ZFYVE9: variants seen among roughly 807,000 people sequenced by gnomAD.
The protein encoded by ZFYVE9 is zinc finger FYVE-type containing 9, also known as zinc finger FYVE domain-containing protein 9.
In ZFYVE9, 43 loss-of-function variants were observed where a neutral mutation model predicts 126.7. The ratio of observed to expected loss-of-function variants is 0.34; its 90% CI spans 0.27 to 0.44. ZFYVE9 has a LOEUF of 0.44. Ranked by LOEUF, ZFYVE9 falls within the 20% of genes least tolerant of loss-of-function variation. The pLI, the probability that ZFYVE9 is intolerant of heterozygous loss-of-function variation, is 1.00. For synonymous variants in ZFYVE9, 521 were observed against 597.4 expected (o/e 0.87, Z 1.87); for missense variants, 1,476 against 1,697.0 (o/e 0.87, Z 2.29).
intron 1 of ZFYVE9, among the ~76,000 whole-genome samples, chr1:52,189,417 A>G (rs778068805): frequency 2.6e-5 from 4 of 152,026 alleles, no homozygotes; most frequent in East Asian, 1.9e-4. Flanking sequence ...TTGTATTTTT[A>G]GTAGAGATGG....
Position 52,172,619 on chromosome 1 carries a change from G to C in ZFYVE9, c.-143+30216G>C, listed in dbSNP as rs1339986444. On this transcript the variant is annotated intron_variant, in intron 1 of 18. Coordinates refer to ENST00000287727, the MANE Select transcript of ZFYVE9 (RefSeq NM_004799.4). The stretch of plus-strand genomic sequence containing the variant: ...TATGGCCATTTTCACGGTATTGATT[G>C]TTCCTACCCATGAGCATGGAATGTT... Among the ~76,000 whole-genome samples the C allele has an allele frequency of 5.3e-5, 8 of 152,206 alleles. No individual in the cohort carries two copies. In the East Asian group the frequency reaches 5.8e-4, roughly 11 times the overall value.
chr1:52,217,146 C>T (rs75719544), intron 2 of ZFYVE9, among the ~76,000 whole-genome samples: 5,277 of 152,066 alleles, frequency 0.035, 335 homozygotes, highest in African/African-American at 0.12. Context: ...AAGAGCACAC[C>T]GAACAAAGGA....
chr1:52,255,041 A>G (rs1214141342), intron 4 of ZFYVE9, among the ~76,000 whole-genome samples: 1 of 151,710 alleles, frequency 6.6e-6, no homozygotes, highest in Non-Finnish European at 1.5e-5. Context: ...GCAGTGAGCC[A>G]TGATTGTGCC....
At chr1:52,315,243 C>A (rs1238661615) in intron 13 of ZFYVE9, among the ~76,000 whole-genome samples, 1 of 151,930 alleles carries the variant, frequency 6.6e-6, no homozygotes, top group Admixed American at 6.6e-5. Context: ...AGCTAGGCAA[C>A]AAAATGAGAC....
At chr1:52,181,907 T>G (rs1403715359) in intron 1 of ZFYVE9, among the ~76,000 whole-genome samples, 2 of 146,392 alleles carry the variant, frequency 1.4e-5, no homozygotes, top group African/African-American at 5.1e-5. Context: ...GTCTGGGAAG[T>G]AAGGAGCGTC....
intron 1 of ZFYVE9, among the ~76,000 whole-genome samples, chr1:52,182,775 T>A (rs975487836): frequency 2.7e-5 from 4 of 148,410 alleles, no homozygotes; most frequent in South Asian, 4.2e-4. Context: ...TAAAAAAAAA[T>A]AAATATTTTG....
intron 13 of ZFYVE9, among the ~76,000 whole-genome samples, chr1:52,315,187 G>T (rs907167124): frequency 4.6e-5 from 7 of 152,202 alleles, no homozygotes; most frequent in Non-Finnish European, 7.4e-5. Flanking sequence ...CCTGCACTTT[G>T]AGGGGCTGAG....
rs551379098 is a variant in ZFYVE9 at position 52,330,152 on chromosome 1, C to T, written c.3439-2616C>T. ...CCAGCACTTTGGAAGCCAAGGTGGG[C>T]GGACCACTTGAGGTCGGGAGTTCGA... On this transcript the variant is annotated intron_variant, in intron 13 of 18. Transcript: ENST00000287727. 5.3e-5 allele frequency among the ~76,000 whole-genome samples: 8 copies of T among 152,272 alleles called. No individual in the cohort carries two copies. The South Asian group carries it at 8.3e-4, about 16-fold the overall frequency.
At chr1:52,285,518 A>G (rs1645849761) in intron 10 of ZFYVE9, among the ~76,000 whole-genome samples, 1 of 152,064 alleles carries the variant, frequency 6.6e-6, no homozygotes, top group African/African-American at 2.4e-5. Flanking sequence ...TTAGATTCTC[A>G]TAGAAGTGCG....
chr1:52,265,748 A>G (rs2147799621), intron 5 of ZFYVE9, among the ~76,000 whole-genome samples: 1 of 152,342 alleles, frequency 6.6e-6, no homozygotes, highest in South Asian at 2.1e-4. Flanking sequence ...TAAAAGCAGA[A>G]TTCAGAAAAA....
At chr1:52,167,093 G>A (rs1338054689) in intron 1 of ZFYVE9, among the ~76,000 whole-genome samples, 1 of 152,172 alleles carries the variant, frequency 6.6e-6, no homozygotes, top group Non-Finnish European at 1.5e-5. Context: ...CATTAAAGTT[G>A]CATATTAATA....
intron 1 of ZFYVE9, among the ~76,000 whole-genome samples, chr1:52,185,876 C>T (rs1280641353): frequency 1.4e-5 from 2 of 147,906 alleles, no homozygotes; most frequent in Non-Finnish European, 3.0e-5. Flanking sequence ...GCCGAGATTG[C>T]GCCACTGCAC....
chr1:52,186,006 C>G (rs577563808), intron 1 of ZFYVE9, among the ~76,000 whole-genome samples: 44 of 150,924 alleles, frequency 2.9e-4, no homozygotes, highest in African/African-American at 1.0e-3. Flanking sequence ...TTTGGGAGGC[C>G]GAGACGGGTG....
At chr1:52,261,596 T>G (rs1205905011) in intron 4 of ZFYVE9, among the ~76,000 whole-genome samples, 7 of 152,190 alleles carry the variant, frequency 4.6e-5, no homozygotes. Context: ...GTCTCTTTAT[T>G]AGAAAGGTTA....
intron 10 of ZFYVE9, among the ~76,000 whole-genome samples, chr1:52,284,003 G>A (rs1331246006): frequency 1.3e-5 from 2 of 152,180 alleles, no homozygotes; most frequent in Non-Finnish European, 1.5e-5. Context: ...CTTCAATTCA[G>A]TAGGATTTGG....
intron 2 of ZFYVE9, among the ~76,000 whole-genome samples, chr1:52,220,644 G>A (rs1379747924): frequency 6.6e-6 from 1 of 152,118 alleles, no homozygotes; most frequent in Admixed American, 6.5e-5. Context: ...ATTGCACATA[G>A]CTTGAGGACC....
At chr1:52,173,984 T>A (rs887080897) in intron 1 of ZFYVE9, among the ~76,000 whole-genome samples, 4 of 152,218 alleles carry the variant, frequency 2.6e-5, no homozygotes, top group East Asian at 3.9e-4. Flanking sequence ...TTGAAGAGTT[T>A]TTTTTTGTCT....
intron 8 of ZFYVE9, among the ~76,000 whole-genome samples, chr1:52,277,749 G>T (rs556101371): frequency 6.6e-6 from 1 of 152,040 alleles, no homozygotes; most frequent in Non-Finnish European, 1.5e-5. Context: ...TGATTATTAC[G>T]CATGATTTGA....
intron 12 of ZFYVE9, among the ~76,000 whole-genome samples, chr1:52,300,719 A>G (rs539079576): frequency 6.6e-6 from 1 of 151,120 alleles, no homozygotes; most frequent in African/African-American, 2.4e-5. Context: ...ATTGCCTGTA[A>G]TATTTCTTAC....
Sources: allele counts gnomAD v4.1 joint callset (sites outside exome capture counted in the v4.1 genomes callset), GRCh38; gene constraint gnomAD v4.1.1; transcripts MANE v1.5; gene names NCBI Gene and HGNC (gene_info 2026-07-23, HGNC 2026-07-21).